The following CDH12 variants were observed in gnomAD, a reference collection of about 807,000 sequenced individuals.
The protein encoded by CDH12 is cadherin-12.
Under a neutral mutation model 74.1 loss-of-function variants are expected in CDH12, and 41 were observed. The ratio of observed to expected loss-of-function variants is 0.55; its 90% CI spans 0.43 to 0.72. CDH12 has a LOEUF of 0.72. CDH12 is among the 30% of genes least tolerant of loss of function. The probability of loss-of-function intolerance (pLI) is 0.00; values close to 1 mark genes in which losing one functional copy is unlikely to be tolerated. For synonymous variants in CDH12, 399 were observed against 355.0 expected, an observed-to-expected ratio of 1.12 and a Z score of -1.39; for missense variants, 945 against 977.2, an observed-to-expected ratio of 0.97 and a Z score of 0.44.
chr5:22,682,287 TG>T (rs1741533888), intron 1 of CDH12, among the ~76,000 whole-genome samples: 1 of 152,104 alleles, frequency 6.6e-6, no homozygotes, highest in Admixed American at 6.6e-5. Context: ...CATCAATATT[TG>T]TGGACATTGC....
At chr5:22,649,974 ATATG>A (rs1435784338) in intron 1 of CDH12, among the ~76,000 whole-genome samples, 8 of 152,116 alleles carry the variant, frequency 5.3e-5, no homozygotes, top group African/African-American at 1.9e-4. Flanking sequence ...CCGAATAGTT[ATATG>A]TATATTTTTG....
At chr5:22,158,812 T>C (rs1748170216) in intron 4 of CDH12, among the ~76,000 whole-genome samples, 1 of 152,130 alleles carries the variant, frequency 6.6e-6, no homozygotes, top group African/African-American at 2.4e-5. Flanking sequence ...ATTTACAATA[T>C]GTTGACAAAT....
chr5:22,165,513 TACAC>T (rs375658781), intron 4 of CDH12, among the ~76,000 whole-genome samples: 3 of 53,780 alleles, frequency 5.6e-5, no homozygotes, highest in Non-Finnish European at 9.7e-5. Flanking sequence ...CACACACACA[TACAC>T]ACACACACAC....
chr5:22,095,848 C>T (rs369341979), intron 4 of CDH12, among the ~76,000 whole-genome samples: 81 of 151,664 alleles, frequency 5.3e-4, no homozygotes, highest in African/African-American at 1.9e-3. Context: ...ATCTCTGCGC[C>T]CCGATCCCTT....
At chr5:22,141,181 G>A (rs1204457857) in intron 4 of CDH12, 1 of 152,104 alleles carries the variant, frequency 6.6e-6, no homozygotes, top group Non-Finnish European at 1.5e-5. Context: ...TTCTACTATG[G>A]TGAATTGATG....
chr5:22,842,233 G>T lies in CDH12; in HGVS notation c.-523+10825C>A, dbSNP rs192430396. 6.3e-3 allele frequency among the ~76,000 whole-genome samples: 965 copies of T among 152,106 alleles called. 5 individuals are homozygous for T. The highest frequency in any genetic ancestry group is 0.038 in the South Asian group (185 of 4,814). On this transcript the variant is annotated intron_variant, in intron 1 of 14. Transcript: ENST00000382254. ...AAAATGCAAACACGTTACCTGAAAT[G>T]TATAATGTTAAATATGCAATCTAAA...
chr5:21,981,621 C>T (rs542063663), intron 5 of CDH12, among the ~76,000 whole-genome samples: 25 of 152,256 alleles, frequency 1.6e-4, no homozygotes, highest in African/African-American at 5.3e-4. Flanking sequence ...TCTCCCCGTC[C>T]CCCACCAGCT....
intron 1 of CDH12, among the ~76,000 whole-genome samples, chr5:22,514,290 G>GA (rs1165175407): frequency 2.6e-5 from 4 of 151,886 alleles, no homozygotes; most frequent in South Asian, 2.1e-4. Context: ...ATTATTAATT[G>GA]AAAAAAATAC....
intron 1 of CDH12, among the ~76,000 whole-genome samples, chr5:22,787,268 C>G (rs919142494): frequency 1.3e-5 from 2 of 152,102 alleles, no homozygotes; most frequent in Non-Finnish European, 2.9e-5. Context: ...CTATAACATT[C>G]TGTCCTAATT....
intron 2 of CDH12, among the ~76,000 whole-genome samples, chr5:22,433,472 C>T (rs1229261562): frequency 6.6e-6 from 1 of 151,758 alleles, no homozygotes; most frequent in Non-Finnish European, 1.5e-5. Context: ...GCATGCATCA[C>T]TTAAGGAATT....
intron 3 of CDH12, among the ~76,000 whole-genome samples, chr5:22,376,894 T>G (rs1453745738): frequency 6.6e-6 from 1 of 152,008 alleles, no homozygotes. Flanking sequence ...AATAAATAAG[T>G]AAATGAAAAA....
At chr5:21,959,752 CAAAAA>C (rs1176227757) in intron 6 of CDH12, among the ~76,000 whole-genome samples, 5 of 80,832 alleles carry the variant, frequency 6.2e-5, no homozygotes, top group African/African-American at 1.8e-4. Context: ...TACTAAAATC[CAAAAA>C]AAAAAAAAAA....
chr5:22,797,295 A>G (rs1748279937), intron 1 of CDH12, among the ~76,000 whole-genome samples: 1 of 152,018 alleles, frequency 6.6e-6, no homozygotes, highest in South Asian at 2.1e-4. Context: ...CCCTCATCAG[A>G]CACCAGAGCT....
At chr5:22,312,281 C>A (rs1020473162) in intron 3 of CDH12, among the ~76,000 whole-genome samples, 1 of 151,758 alleles carries the variant, frequency 6.6e-6, no homozygotes, top group African/African-American at 2.4e-5. Context: ...CAGGAGAAAC[C>A]AAAGAAAGCA....
intron 6 of CDH12, among the ~76,000 whole-genome samples, chr5:21,880,580 C>CCTTCT (rs1752227780): frequency 7.3e-5 from 3 of 41,338 alleles, no homozygotes; most frequent in Admixed American, 3.2e-4. Flanking sequence ...TCTTTCCTTC[C>CCTTCT]TTCCTTCCTT....
intron 1 of CDH12, among the ~76,000 whole-genome samples, chr5:22,511,958 T>TAC (rs1489084740): frequency 1.3e-5 from 2 of 151,924 alleles, no homozygotes; most frequent in Non-Finnish European, 1.5e-5. Flanking sequence ...TGTGTGTGTG[T>TAC]ACATTCAATT....
intron 1 of CDH12, among the ~76,000 whole-genome samples, chr5:22,754,963 T>G (rs544834484): frequency 1.3e-5 from 2 of 152,166 alleles, no homozygotes. Context: ...TAAAATTTTA[T>G]GCATTTCTCA....
intron 3 of CDH12, among the ~76,000 whole-genome samples, chr5:22,368,876 G>A (rs1271899191): frequency 3.3e-5 from 5 of 152,032 alleles, no homozygotes; most frequent in South Asian, 2.1e-4. Flanking sequence ...GGTGGCTCAC[G>A]CCTGCACTTT....
chr5:22,015,644 G>T (rs1737556686), intron 5 of CDH12, among the ~76,000 whole-genome samples: 2 of 152,146 alleles, frequency 1.3e-5, no homozygotes, highest in South Asian at 4.1e-4. Context: ...ATGACTTTCA[G>T]CTATTTAAAT....
Sources: gnomAD v4.1 joint callset for allele counts (sites outside exome capture counted in the v4.1 genomes callset) on GRCh38, gnomAD v4.1.1 for gene constraint, MANE v1.5 for transcripts, NCBI Gene and HGNC (gene_info 2026-07-23, HGNC 2026-07-21) for gene names.